The following ALKBH1 variants were observed in gnomAD, a reference collection of about 807,000 sequenced individuals.
The protein encoded by ALKBH1 is nucleic acid dioxygenase ALKBH1.
Under a neutral mutation model 36.6 loss-of-function variants are expected in ALKBH1, and 31 were observed. That is an observed-to-expected ratio of 0.85 (90% CI 0.64 to 1.14). The LOEUF (loss-of-function observed/expected upper bound fraction) is 1.14. ALKBH1 is among the 50% of genes most tolerant of loss of function. The probability of loss-of-function intolerance (pLI) is 0.00; values close to 1 mark genes in which losing one functional copy is unlikely to be tolerated. For synonymous variants in ALKBH1, 183 were observed against 186.6 expected, an observed-to-expected ratio of 0.98 and a Z score of 0.16; for missense variants, 490 against 497.3, an observed-to-expected ratio of 0.99 and a Z score of 0.14.
At chr14:77,684,320 T>C (rs2139849180) in intron 3 of ALKBH1, among the ~76,000 whole-genome samples, 1 of 152,286 alleles carries the variant, frequency 6.6e-6, no homozygotes, top group South Asian at 2.1e-4. Flanking sequence ...CAAAACACAA[T>C]ACCGTCTGTT....
intron 3 of ALKBH1, among the ~76,000 whole-genome samples, chr14:77,689,445 TAAG>T (rs1198718418): frequency 2.6e-5 from 4 of 152,196 alleles, no homozygotes; most frequent in African/African-American, 9.7e-5. Flanking sequence ...TTAGTGAAAA[TAAG>T]AAGAAAAGCT....
intron 4 of ALKBH1, among the ~76,000 whole-genome samples, chr14:77,676,809 G>C (rs981523054): frequency 2.6e-5 from 4 of 152,132 alleles, no homozygotes; most frequent in African/African-American, 9.7e-5. Flanking sequence ...TAGCCAGTTT[G>C]GTTTTGGACC....
At chr14:77,683,217 A>C in intron 3 of ALKBH1, 1 of 727,748 alleles carries the variant, frequency 1.4e-6, no homozygotes, top group Non-Finnish European at 2.6e-6. Flanking sequence ...CTATGAATCC[A>C]TAGAGAATAG....
rs1160967653 is a variant in ALKBH1 at position 77,672,886 on chromosome 14, C to T, written c.*926G>A. The T allele has an allele frequency of 1.3e-5, 2 of 152,174 alleles. No homozygotes were observed. Among genetic ancestry groups the T allele is most frequent in the Non-Finnish European group, 2.9e-5 (2 of 68,042 alleles). The allele number at this position is 152,174 out of a possible 1,614,324, so 9.4% of individuals were successfully genotyped here. On this transcript the variant is annotated 3_prime_UTR_variant, in exon 6 of 6. Coordinates refer to ENST00000216489, the MANE Select transcript of ALKBH1 (RefSeq NM_006020.3). The stretch of plus-strand genomic sequence containing the variant: ...ACTGGAATATTAAGAAATGTTCTCT[C>T]TTCTGTGAGACAGCCACAAAGAATA...
At chr14:77,684,657 C>T (rs183557827) in intron 3 of ALKBH1, among the ~76,000 whole-genome samples, 177 of 152,286 alleles carry the variant, frequency 1.2e-3, no homozygotes, top group Non-Finnish European at 1.4e-3. Context: ...AGTAATCCTC[C>T]CCACCTCAGC....
intron 4 of ALKBH1, among the ~76,000 whole-genome samples, chr14:77,677,215 T>G (rs1010711090): frequency 6.6e-6 from 1 of 151,864 alleles, no homozygotes; most frequent in Non-Finnish European, 1.5e-5. Context: ...AATTTTTGTA[T>G]TTTTAGTAGG....
chr14:77,686,655 C>T (rs72685264), intron 3 of ALKBH1, among the ~76,000 whole-genome samples: 23,571 of 152,118 alleles, frequency 0.15, 1,944 homozygotes, highest in East Asian at 0.26. Flanking sequence ...GACAGAGTCT[C>T]GTTTTGTCGC....
chr14:77,707,855 G>C lies in ALKBH1; in HGVS notation c.150C>G (p.His50Gln). 1 of 1,611,938 alleles carries C rather than the reference G, an allele frequency of 6.2e-7. No homozygotes were observed. The highest frequency in any genetic ancestry group is 8.5e-7 in the Non-Finnish European group (1 of 1,178,980). ...CACCAGGACCCTTGCCACGGGCTGC[G>C]TGGGCCGCCGAGAAGTCGATGACCC... ...LEGVIDFSAA[H>Q]AARGKGPGAQ... The change falls in exon 1 of 6, where the codon CAC becomes CAG. Residue 50 changes from histidine (H) to glutamine (Q), a missense_variant. By Grantham distance (24) the His-to-Gln change is conservative. Coordinates refer to ENST00000216489, the MANE Select transcript of ALKBH1 (RefSeq NM_006020.3).
chr14:77,693,535 G>C (rs1343732032), intron 3 of ALKBH1, among the ~76,000 whole-genome samples: 1 of 152,178 alleles, frequency 6.6e-6, no homozygotes, highest in East Asian at 1.9e-4. Context: ...CTATGCTCTT[G>C]TCTCGCAGGA....
chr14:77,705,689 T>C (rs557111052), intron 1 of ALKBH1, among the ~76,000 whole-genome samples: 1 of 152,328 alleles, frequency 6.6e-6, no homozygotes, highest in Admixed American at 6.5e-5. Flanking sequence ...ATGCAGTCAT[T>C]GAAGTCAAAA....
chr14:77,692,928 C>T (rs2080305896), intron 3 of ALKBH1, among the ~76,000 whole-genome samples: 2 of 151,178 alleles, frequency 1.3e-5, no homozygotes, highest in African/African-American at 4.9e-5. Context: ...TTTTTTGGGG[C>T]CGGGAAGTGC....
intron 1 of ALKBH1, among the ~76,000 whole-genome samples, chr14:77,705,410 A>G (rs1300324892): frequency 2.4e-4 from 11 of 45,330 alleles, no homozygotes; most frequent in African/African-American, 7.3e-4. Context: ...ACTCCGTCTA[A>G]GAAAAAAAAA....
At chr14:77,685,957 G>A (rs1244861140) in intron 3 of ALKBH1, among the ~76,000 whole-genome samples, 1 of 152,004 alleles carries the variant, frequency 6.6e-6, no homozygotes, top group African/African-American at 2.4e-5. Context: ...TTTTTGTAAC[G>A]TATTAGACCC....
intron 2 of ALKBH1, among the ~76,000 whole-genome samples, chr14:77,697,827 G>A (rs781128720): frequency 1.3e-5 from 2 of 151,800 alleles, no homozygotes; most frequent in Non-Finnish European, 2.9e-5. Flanking sequence ...AGCCTGGGCA[G>A]CATGGTGAAA....
chr14:77,702,146 A>G (rs1423748580), intron 2 of ALKBH1, among the ~76,000 whole-genome samples: 1 of 152,100 alleles, frequency 6.6e-6, no homozygotes, highest in Non-Finnish European at 1.5e-5. Flanking sequence ...TAAAAACACA[A>G]AAAAGTTAGC....
rs1253310228 is a variant in ALKBH1 at position 77,704,579 on chromosome 14, G to C, written c.184-102C>G. ...ACATTTCTTGTATGAGGCAAAGCTA[G>C]GATTCTTGTTTAAGATACAGAACCT... On this transcript the variant is annotated intron_variant, in intron 1 of 5. Coordinates refer to ENST00000216489, the MANE Select transcript of ALKBH1 (RefSeq NM_006020.3). 3 of 867,476 alleles carry C rather than the reference G, an allele frequency of 3.5e-6. No homozygotes were observed. In the East Asian group the frequency reaches 7.4e-5, roughly 21 times the overall value. The allele number at this position is 867,476 out of a possible 1,614,324, so 53.7% of individuals were successfully genotyped here.
intron 3 of ALKBH1, among the ~76,000 whole-genome samples, chr14:77,693,858 A>T (rs1367088062): frequency 6.6e-6 from 1 of 151,892 alleles, no homozygotes; most frequent in Non-Finnish European, 1.5e-5. Flanking sequence ...GTGGTGGTGG[A>T]TGCCTGTAAT....
intron 3 of ALKBH1, among the ~76,000 whole-genome samples, chr14:77,688,693 T>G (rs1310859153): frequency 3.3e-5 from 5 of 151,790 alleles, no homozygotes; most frequent in Admixed American, 3.3e-4. Context: ...CACCTCAGCT[T>G]CCCTAGTAGC....
At chr14:77,674,493 TTAAA>T (rs1449137931) in intron 5 of ALKBH1, among the ~76,000 whole-genome samples, 1 of 152,164 alleles carries the variant, frequency 6.6e-6, no homozygotes, top group African/African-American at 2.4e-5. Context: ...TTGGATGCAG[TTAAA>T]TAAGCAAATG....
Sources: gnomAD v4.1 joint callset for allele counts (sites outside exome capture counted in the v4.1 genomes callset) on GRCh38, gnomAD v4.1.1 for gene constraint, MANE v1.5 for transcripts, NCBI Gene and HGNC (gene_info 2026-07-23, HGNC 2026-07-21) for gene names.